ZDHHC14: variants seen among roughly 807,000 people sequenced by gnomAD.
The protein encoded by ZDHHC14 is palmitoyltransferase ZDHHC14.
A neutral mutation model predicts 47.7 loss-of-function variants in ZDHHC14; 16 were observed. That is an observed-to-expected ratio of 0.34 (90% confidence interval 0.23 to 0.51). The LOEUF (loss-of-function observed/expected upper bound fraction) is 0.51. ZDHHC14 is among the 20% of genes least tolerant of loss of function. The pLI, the probability that ZDHHC14 is intolerant of heterozygous loss-of-function variation, is 0.97. For synonymous variants in ZDHHC14, 293 were observed against 278.9 expected, an observed-to-expected ratio of 1.05 and a Z score of -0.50; for missense variants, 515 against 662.5, an observed-to-expected ratio of 0.78 and a Z score of 2.44.
chr6:157,563,096 C>T (rs147088844), intron 2 of ZDHHC14, among the ~76,000 whole-genome samples: 2,137 of 152,258 alleles, frequency 0.014, 51 homozygotes, highest in African/African-American at 0.049. Context: ...TCCCAGGCAC[C>T]CGGAGCTGGG....
rs1433225074 is a variant in ZDHHC14 at position 157,677,103 on chromosome 6, C to T, written c.*3981C>T. On this transcript the variant is annotated 3_prime_UTR_variant, in exon 9 of 9. Coordinates refer to ENST00000359775, the MANE Select transcript of ZDHHC14 (RefSeq NM_024630.3). ...ATGTTTACATTTTCTATCAAGTACA[C>T]ATGAGCTGTGGGAGTCTAGCATATT... 13 of 152,168 alleles carry T rather than the reference C, an allele frequency of 8.5e-5. No individual in the cohort carries two copies. The highest frequency in any genetic ancestry group is 2.7e-4 in the African/African-American group (11 of 41,448). The allele number at this position is 152,168 out of a possible 1,614,324, so 9.4% of individuals were successfully genotyped here. A position where few individuals can be genotyped will look rare whatever the true frequency, so the allele number is the denominator to read the frequency against.
chr6:157,611,532 C>T (rs1353936654), intron 3 of ZDHHC14, among the ~76,000 whole-genome samples: 1 of 152,130 alleles, frequency 6.6e-6, no homozygotes, highest in Non-Finnish European at 1.5e-5. Context: ...ACATTTTCAT[C>T]CTGTTCTGGC....
chr6:157,474,867 T>C (rs1185282829), intron 1 of ZDHHC14, among the ~76,000 whole-genome samples: 3 of 152,188 alleles, frequency 2.0e-5, no homozygotes, highest in African/African-American at 4.8e-5. Context: ...CTTCACTCTA[T>C]TGATTGTTTC....
chr6:157,669,530 C>T (rs544145792), intron 8 of ZDHHC14, among the ~76,000 whole-genome samples: 8 of 152,324 alleles, frequency 5.3e-5, no homozygotes, highest in Admixed American at 1.3e-4. Flanking sequence ...GCTCCACCCT[C>T]GAACATATTT....
At chr6:157,557,803 C>T (rs1371896419) in intron 2 of ZDHHC14, among the ~76,000 whole-genome samples, 2 of 152,200 alleles carry the variant, frequency 1.3e-5, no homozygotes, top group African/African-American at 4.8e-5. Flanking sequence ...GCGGCCACTC[C>T]CCTGTGGGAG....
chr6:157,576,844 G>A (rs571299982), intron 2 of ZDHHC14, among the ~76,000 whole-genome samples: 9 of 152,324 alleles, frequency 5.9e-5, no homozygotes, highest in Non-Finnish European at 1.0e-4. Flanking sequence ...CCACTGTTCC[G>A]AATCCTTCGG....
At position 157,637,040 on chromosome 6, in the gene ZDHHC14, T is replaced by A. The variant is rs185576166; in HGVS notation, c.752+4158T>A. ...CAGATTATTTATCCTAAGTTTGTGT[T>A]CCGGAAGAGTAAGCATGCGTTGGGT... On this transcript the variant is annotated intron_variant, in intron 5 of 8. Coordinates refer to ENST00000359775, the MANE Select transcript of ZDHHC14 (RefSeq NM_024630.3). Among the ~76,000 whole-genome samples the A allele has an allele frequency of 3.3e-3, 506 of 152,336 alleles. 2 individuals are homozygous for A. Among genetic ancestry groups the A allele is most frequent in the African/African-American group, 0.011 (455 of 41,578 alleles).
intron 8 of ZDHHC14, among the ~76,000 whole-genome samples, chr6:157,671,929 A>G (rs1352364034): frequency 2.0e-5 from 3 of 152,192 alleles, no homozygotes; most frequent in African/African-American, 7.2e-5. Context: ...TTGTTCTGCA[A>G]CCACCACTAC....
chr6:157,605,715 G>C (rs1024468317), intron 3 of ZDHHC14, among the ~76,000 whole-genome samples: 53 of 152,196 alleles, frequency 3.5e-4, no homozygotes, highest in African/African-American at 1.2e-3. Flanking sequence ...ATGTGAGGAA[G>C]GCCATGACTT....
chr6:157,640,471 G>A (rs1206188008), intron 5 of ZDHHC14, among the ~76,000 whole-genome samples: 1 of 152,172 alleles, frequency 6.6e-6, no homozygotes, highest in Admixed American at 6.5e-5. Context: ...GGAAAATCAC[G>A]AAGGCAGCAC....
At chr6:157,418,356 A>C (rs193126382) in intron 1 of ZDHHC14, among the ~76,000 whole-genome samples, 5 of 152,328 alleles carry the variant, frequency 3.3e-5, no homozygotes, top group African/African-American at 9.6e-5. Flanking sequence ...TTGACTTATG[A>C]AGATATGGAA....
At chr6:157,443,599 A>G (rs1778601086) in intron 1 of ZDHHC14, among the ~76,000 whole-genome samples, 1 of 152,264 alleles carries the variant, frequency 6.6e-6, no homozygotes, top group Non-Finnish European at 1.5e-5. Flanking sequence ...AGTGGCTGCC[A>G]TCACTGGTGG....
intron 1 of ZDHHC14, among the ~76,000 whole-genome samples, chr6:157,406,448 C>G (rs1477853718): frequency 6.6e-6 from 1 of 152,196 alleles, no homozygotes; most frequent in Non-Finnish European, 1.5e-5. Flanking sequence ...AAAATATTAT[C>G]TCAGAGAGCG....
rs2114983208 is a variant in ZDHHC14 at position 157,647,298 on chromosome 6, T to G, written c.895T>G (p.Tyr299Asp). ...GTCAAATAAAAGAGGTAAAGAAAAT[T>G]ACAATCCCTACAGCTACGGAAATAT... ...SWSNKRGKEN[Y>D]NPYSYGNIFT... Residue 299 changes from tyrosine (Y) to aspartate (D), a missense_variant, in exon 7 of 9, where the codon TAC (tyrosine) becomes GAC (aspartate). By Grantham distance (160) the Tyr-to-Asp change is radical. Coordinates refer to ENST00000359775, the MANE Select transcript of ZDHHC14 (RefSeq NM_024630.3). 6.2e-7 allele frequency: 1 copy of G among 1,614,160 alleles called. No individual in the cohort carries two copies. Among genetic ancestry groups the G allele is most frequent in the South Asian group, 1.1e-5 (1 of 91,076 alleles).
chr6:157,561,043 A>G (rs145083693), intron 2 of ZDHHC14, among the ~76,000 whole-genome samples: 3,862 of 152,356 alleles, frequency 0.025, 176 homozygotes, highest in African/African-American at 0.089. Context: ...ATTTAAATGC[A>G]GAGTGCAGAA....
intron 1 of ZDHHC14, among the ~76,000 whole-genome samples, chr6:157,532,839 A>G (rs1263811077): frequency 6.6e-6 from 1 of 152,268 alleles, no homozygotes; most frequent in African/African-American, 2.4e-5. Context: ...ATTATCGTCA[A>G]GCATCTTCTT....
chr6:157,566,188 T>C (rs1271646352), intron 2 of ZDHHC14, among the ~76,000 whole-genome samples: 2 of 152,030 alleles, frequency 1.3e-5, no homozygotes, highest in African/African-American at 4.8e-5. Context: ...GAAGAAAAGC[T>C]CTATTGCGAG....
intron 1 of ZDHHC14, among the ~76,000 whole-genome samples, chr6:157,421,322 C>T (rs1778097097): frequency 6.6e-6 from 1 of 151,156 alleles, no homozygotes; most frequent in South Asian, 2.1e-4. Flanking sequence ...CACGTCTCTA[C>T]TAAAAATATT....
At chr6:157,596,602 C>G (rs1159242189) in intron 3 of ZDHHC14, among the ~76,000 whole-genome samples, 2 of 152,176 alleles carry the variant, frequency 1.3e-5, no homozygotes, top group Non-Finnish European at 2.9e-5. Context: ...GGACCTGGCT[C>G]TGAGAACACA....
Sources: gnomAD v4.1 joint callset for allele counts (sites outside exome capture counted in the v4.1 genomes callset) on GRCh38, gnomAD v4.1.1 for gene constraint, MANE v1.5 for transcripts, NCBI Gene and HGNC (gene_info 2026-07-23, HGNC 2026-07-21) for gene names.